Variants in TBCEL observed in about 807,000 individuals in gnomAD.
TBCEL encodes tubulin folding cofactor E like, also known as tubulin-specific chaperone cofactor E-like protein.
A neutral mutation model predicts 44.2 loss-of-function variants in TBCEL; 15 were observed. The observed-to-expected ratio is 0.34, with a 90% CI of 0.23 to 0.52. TBCEL has a LOEUF of 0.52. Among genes scored for constraint, TBCEL ranks in the 20% least tolerant of loss-of-function variants. TBCEL has a pLI of 0.95. For missense variants in TBCEL, 319 were observed against 506.3 expected, an observed-to-expected ratio of 0.63 and a Z score of 3.55; for synonymous variants, 171 against 185.4, an observed-to-expected ratio of 0.92 and a Z score of 0.63.
Position 121,090,366 on chromosome 11 carries a change from T to G in TBCEL, c.*3270T>G, listed in dbSNP as rs569954216. ...AGTGTAGCTTGCTACATGAAAATGC[T>G]AGGCTCTAGGGCATGTAAAACATGA... On this transcript the variant is annotated 3_prime_UTR_variant, in exon 9 of 9. Transcript: ENST00000683345. 2 of 152,172 alleles carry G rather than the reference T, an allele frequency of 1.3e-5. No homozygotes were observed. The highest frequency in any genetic ancestry group is 2.9e-5 in the Non-Finnish European group (2 of 68,034). The allele number at this position is 152,172 out of a possible 1,614,324, so 9.4% of individuals were successfully genotyped here. A position where few individuals can be genotyped will look rare whatever the true frequency, so the allele number is the denominator to read the frequency against.
At chr11:121,063,063 T>G (rs1403076343) in intron 8 of TBCEL, among the ~76,000 whole-genome samples, 1 of 152,194 alleles carries the variant, frequency 6.6e-6, no homozygotes, top group Non-Finnish European at 1.5e-5. Flanking sequence ...ATGGAGCTCA[T>G]ATTCTAATGG....
At chr11:121,072,562 C>T (rs961965242) in intron 8 of TBCEL, among the ~76,000 whole-genome samples, 31 of 151,994 alleles carry the variant, frequency 2.0e-4, no homozygotes, top group Admixed American at 6.6e-5. Flanking sequence ...GATTTGTATG[C>T]TTGATGTCTA....
At chr11:121,082,200 A>G (rs1946138248) in intron 8 of TBCEL, among the ~76,000 whole-genome samples, 1 of 152,250 alleles carries the variant, frequency 6.6e-6, no homozygotes, top group African/African-American at 2.4e-5. Context: ...AAGTCTGGGC[A>G]CAGTGTGACT....
In TBCEL at chr11:121,090,120, C is replaced by G. The variant is rs1946269669; in HGVS notation, c.*3024C>G. The G allele has an allele frequency of 6.6e-6, 1 of 152,170 alleles. No individual in the cohort carries two copies. Among genetic ancestry groups the G allele is most frequent in the African/African-American group, 2.4e-5 (1 of 41,444 alleles). The allele number at this position is 152,170 out of a possible 1,614,324, so 9.4% of individuals were successfully genotyped here. ...TAGTATAAGCCCCTAGTTATTAAGACTTCTCAGTTAATATTAAGGCCAAAA... is the reference window on the plus strand; with the variant it reads ...TAGTATAAGCCCCTAGTTATTAAGAGTTCTCAGTTAATATTAAGGCCAAAA... On this transcript the variant is annotated 3_prime_UTR_variant, in exon 9 of 9. Coordinates refer to ENST00000683345, the MANE Select transcript of TBCEL (RefSeq NM_001363644.2).
chr11:121,083,499 G>GA (rs1439761250), intron 8 of TBCEL, among the ~76,000 whole-genome samples: 1 of 152,204 alleles, frequency 6.6e-6, no homozygotes, highest in Admixed American at 6.5e-5. Context: ...TGAGACTTCA[G>GA]AGTGTCTGAA....
At chr11:121,028,065 C>A (rs1034802560) in intron 1 of TBCEL, among the ~76,000 whole-genome samples, 1 of 151,926 alleles carries the variant, frequency 6.6e-6, no homozygotes, top group African/African-American at 2.4e-5. Flanking sequence ...ATTAGCCAGG[C>A]ATAGTGGTAT....
At chr11:121,061,892 A>G (rs1026321723) in intron 8 of TBCEL, among the ~76,000 whole-genome samples, 1 of 152,026 alleles carries the variant, frequency 6.6e-6, no homozygotes, top group Non-Finnish European at 1.5e-5. Context: ...TCTTTCTTTA[A>G]TAGTAAATCA....
intron 4 of TBCEL, among the ~76,000 whole-genome samples, chr11:121,048,977 C>T (rs1374692175): frequency 6.6e-6 from 1 of 151,882 alleles, no homozygotes; most frequent in Non-Finnish European, 1.5e-5. Context: ...CAGATTATCG[C>T]AGAGCACCTA....
chr11:121,052,722 C>G (rs573186241), intron 4 of TBCEL, among the ~76,000 whole-genome samples: 45 of 151,938 alleles, frequency 3.0e-4, no homozygotes, highest in African/African-American at 9.9e-4. Context: ...AGAAAAATGG[C>G]TCTGAGTTTT....
intron 8 of TBCEL, among the ~76,000 whole-genome samples, chr11:121,068,705 G>C (rs1005792981): frequency 1.8e-4 from 27 of 151,964 alleles, no homozygotes; most frequent in Non-Finnish European, 4.4e-5. Context: ...CCAACATGGA[G>C]AGACCCTGTC....
intron 8 of TBCEL, among the ~76,000 whole-genome samples, chr11:121,071,960 A>G (rs1349272420): frequency 6.6e-6 from 1 of 152,068 alleles, no homozygotes; most frequent in Non-Finnish European, 1.5e-5. Flanking sequence ...ATGCTCCATC[A>G]TCCTCTGACA....
At chr11:121,046,373 G>C (rs186520677) in intron 3 of TBCEL, among the ~76,000 whole-genome samples, 2 of 152,094 alleles carry the variant, frequency 1.3e-5, no homozygotes, top group Admixed American at 6.6e-5. Flanking sequence ...TCTGTAACTA[G>C]AAGTGTGCAA....
At chr11:121,077,917 G>A (rs1190239494) in intron 8 of TBCEL, among the ~76,000 whole-genome samples, 1 of 151,892 alleles carries the variant, frequency 6.6e-6, no homozygotes, top group Non-Finnish European at 1.5e-5. Context: ...TATCTTTCCA[G>A]GGATTTTCGT....
In TBCEL at chr11:121,026,622, A is replaced by G. The variant is rs568274953; in HGVS notation, c.-126+2331A>G. Among the ~76,000 whole-genome samples, 13 of 152,354 alleles carry G rather than the reference A, an allele frequency of 8.5e-5. No homozygotes were observed. The Middle Eastern group carries it at 0.01, about 120-fold the overall frequency. ...ATCAAATGCTTTACGAAAACATTCT[A>G]TCATCTTTGAACTTTGTGTGTTATA... On this transcript the variant is annotated intron_variant, in intron 1 of 8. Coordinates refer to ENST00000683345, the MANE Select transcript of TBCEL (RefSeq NM_001363644.2).
Position 121,047,742 on chromosome 11 carries a change from T to G in TBCEL, c.273+75T>G, listed in dbSNP as rs1945455215. The G allele has an allele frequency of 2.6e-6, 4 of 1,526,180 alleles. No homozygotes were observed. The East Asian group carries it at 9.6e-5, about 37-fold the overall frequency. The allele number at this position is 1,526,180 out of a possible 1,614,324, so 94.5% of individuals were successfully genotyped here. On this transcript the variant is annotated intron_variant, in intron 4 of 8. Transcript: ENST00000683345. ...GTGTCATTGTTTATGTTATTATATG[T>G]TCTGCTAAATTCTGTTCTCACTTGA...
At chr11:121,030,761 CTT>C (rs1455626768) in intron 1 of TBCEL, among the ~76,000 whole-genome samples, 1 of 151,976 alleles carries the variant, frequency 6.6e-6, no homozygotes, top group African/African-American at 2.4e-5. Flanking sequence ...TTTTCTCTGC[CTT>C]TTCTTTACAG....
intron 8 of TBCEL, 44 bp downstream of exon 8, chr11:121,060,129 G>A: frequency 7.0e-7 from 1 of 1,422,756 alleles, no homozygotes; most frequent in African/African-American, 1.4e-5. Flanking sequence ...GGGTGGTGAT[G>A]CCAGTTAAGA....
chr11:121,057,766 C>G lies in TBCEL; in HGVS notation c.713-579C>G, dbSNP rs573652046. 5.3e-4 allele frequency among the ~76,000 whole-genome samples: 80 copies of G among 151,854 alleles called. 1 individual carries two copies. The highest frequency in any genetic ancestry group is 1.9e-3 in the African/African-American group (78 of 41,472). On this transcript the variant is annotated intron_variant, in intron 6 of 8. Transcript: ENST00000683345. ...GGTTTGTGTAAGTTATATGCAAATG[C>G]TATACTGTTTTATATAAGGGACTTG...
chr11:121,068,986 G>C (rs1317315879), intron 8 of TBCEL, among the ~76,000 whole-genome samples: 1 of 151,306 alleles, frequency 6.6e-6, no homozygotes, highest in East Asian at 1.9e-4. Context: ...TTTGTTCCCT[G>C]TTGAGAATGC....
Sources: allele counts gnomAD v4.1 joint callset (sites outside exome capture counted in the v4.1 genomes callset), GRCh38; gene constraint gnomAD v4.1.1; transcripts MANE v1.5; gene names NCBI Gene and HGNC (gene_info 2026-07-23, HGNC 2026-07-21).